HDAC9: variants seen among roughly 807,000 people sequenced by gnomAD.
HDAC9 encodes MEF-2 interacting transcription repressor (MITR) protein.
In HDAC9, 41 loss-of-function variants were observed where a neutral mutation model predicts 139.4. The ratio of observed to expected loss-of-function variants is 0.29; its 90% CI spans 0.23 to 0.38. The LOEUF is 0.38. Ranked by LOEUF, HDAC9 falls within the 10% of genes least tolerant of loss-of-function variation. HDAC9 has a pLI of 1.00. For synonymous variants in HDAC9, 517 were observed against 476.2 expected, an observed-to-expected ratio of 1.09 and a Z score of -1.12; for missense variants, 1,147 against 1,297.0, an observed-to-expected ratio of 0.88 and a Z score of 1.78.
chr7:18,435,059 C>CAAAAAAAAAAAAAAAA (rs376786180), intron 1 of HDAC9, among the ~76,000 whole-genome samples: 2 of 67,810 alleles, frequency 2.9e-5, no homozygotes, highest in African/African-American at 5.9e-5. Context: ...ACTACACAGC[C>CAAAAAAAAAAAAAAAA]AAAAAAAAAA....
chr7:18,622,024 G>A (rs1256891634), intron 6 of HDAC9, among the ~76,000 whole-genome samples: 1 of 152,170 alleles, frequency 6.6e-6, no homozygotes, highest in Non-Finnish European at 1.5e-5. Flanking sequence ...AGAACAGAGA[G>A]TGAATGAATA....
intron 2 of HDAC9, among the ~76,000 whole-genome samples, chr7:18,170,771 T>C (rs901176644): frequency 6.6e-6 from 1 of 152,196 alleles, no homozygotes; most frequent in African/African-American, 2.4e-5. Context: ...TGTGGTGTTA[T>C]TTCTGAAGCA....
At chr7:18,789,154 C>A (rs889824088) in intron 16 of HDAC9, among the ~76,000 whole-genome samples, 2 of 152,070 alleles carry the variant, frequency 1.3e-5, no homozygotes, top group African/African-American at 2.4e-5. Context: ...ACCACAAAAT[C>A]TGTATTTTTA....
chr7:18,203,460 T>C (rs1470811336), intron 2 of HDAC9, among the ~76,000 whole-genome samples: 1 of 152,140 alleles, frequency 6.6e-6, no homozygotes, highest in African/African-American at 2.4e-5. Context: ...ATAAAATGGT[T>C]TGGTATTTTG....
intron 2 of HDAC9, among the ~76,000 whole-genome samples, chr7:18,201,983 G>C (rs537080980): frequency 7.2e-4 from 110 of 152,296 alleles, no homozygotes; most frequent in African/African-American, 2.5e-3. Flanking sequence ...AATTTTTCCT[G>C]TTCTCTCCTG....
intron 2 of HDAC9, among the ~76,000 whole-genome samples, chr7:18,207,379 T>C (rs529681990): frequency 6.6e-6 from 1 of 152,054 alleles, no homozygotes; most frequent in Non-Finnish European, 1.5e-5. Flanking sequence ...TTAGGATCCA[T>C]GCAATTTTGT....
intron 1 of HDAC9, among the ~76,000 whole-genome samples, chr7:18,296,479 C>A (rs551884271): frequency 1.3e-5 from 2 of 151,972 alleles, no homozygotes; most frequent in African/African-American, 4.8e-5. Context: ...CTATAACTAA[C>A]GCAGGATATG....
chr7:18,510,847 G>C (rs758228226), intron 2 of HDAC9, among the ~76,000 whole-genome samples: 6 of 152,110 alleles, frequency 3.9e-5, no homozygotes, highest in Non-Finnish European at 8.8e-5. Context: ...ATGTGTATGT[G>C]GGAAAGGAAT....
At chr7:18,392,315 T>TCACACA (rs57932620) in intron 1 of HDAC9, among the ~76,000 whole-genome samples, 6,075 of 119,210 alleles carry the variant, frequency 0.051, 202 homozygotes, top group Non-Finnish European at 0.074. Flanking sequence ...TCTCTCTCTC[T>TCACACA]CACACACACA....
intron 16 of HDAC9, among the ~76,000 whole-genome samples, chr7:18,783,853 T>C (rs1791461748): frequency 6.6e-6 from 1 of 152,030 alleles, no homozygotes; most frequent in Non-Finnish European, 1.5e-5. Flanking sequence ...AAATTGCACC[T>C]AAGAATACAA....
intron 1 of HDAC9, among the ~76,000 whole-genome samples, chr7:18,109,865 G>A (rs1259784954): frequency 6.6e-6 from 1 of 152,170 alleles, no homozygotes; most frequent in Non-Finnish European, 1.5e-5. Context: ...CTCTAGGCAT[G>A]CTTCTGAGCA....
intron 12 of HDAC9, among the ~76,000 whole-genome samples, chr7:18,692,654 A>G (rs1294011283): frequency 6.6e-6 from 1 of 152,112 alleles, no homozygotes; most frequent in Non-Finnish European, 1.5e-5. Flanking sequence ...CACGCAAACT[A>G]ATGGAGATCT....
At chr7:18,538,606 T>C (rs1434463002) in intron 2 of HDAC9, among the ~76,000 whole-genome samples, 1 of 152,210 alleles carries the variant, frequency 6.6e-6, no homozygotes, top group Non-Finnish European at 1.5e-5. Context: ...TGTGCAGTTA[T>C]AAGTAAAAGG....
chr7:18,319,551 A>G (rs1799886800), intron 1 of HDAC9, among the ~76,000 whole-genome samples: 2 of 152,236 alleles, frequency 1.3e-5, no homozygotes, highest in Admixed American at 1.3e-4. Flanking sequence ...GTTCCCCATC[A>G]TTATTGGAAT....
chr7:18,433,274 A>G (rs1222108480), intron 1 of HDAC9, among the ~76,000 whole-genome samples: 4 of 152,198 alleles, frequency 2.6e-5, no homozygotes, highest in Non-Finnish European at 4.4e-5. Context: ...TGACAAACCC[A>G]TAGCCAACAA....
intron 12 of HDAC9, among the ~76,000 whole-genome samples, chr7:18,712,278 C>G (rs1249589651): frequency 6.6e-6 from 1 of 152,204 alleles, no homozygotes; most frequent in African/African-American, 2.4e-5. Flanking sequence ...TCAGTTTTTT[C>G]TCTTTCATCA....
At chr7:18,772,303 A>G (rs1279617026) in intron 16 of HDAC9, among the ~76,000 whole-genome samples, 1 of 152,062 alleles carries the variant, frequency 6.6e-6, no homozygotes, top group African/African-American at 2.4e-5. Context: ...GCTGTTGCCA[A>G]TTAGTAGAGA....
At chr7:18,625,378 T>C (rs1457325957) in intron 6 of HDAC9, among the ~76,000 whole-genome samples, 1 of 152,208 alleles carries the variant, frequency 6.6e-6, no homozygotes, top group Non-Finnish European at 1.5e-5. Flanking sequence ...ATTGACTGAT[T>C]GCCTGTCCCA....
chr7:18,768,115 T>C (rs759990892), intron 16 of HDAC9, among the ~76,000 whole-genome samples: 4 of 152,212 alleles, frequency 2.6e-5, no homozygotes, highest in Non-Finnish European at 5.9e-5. Flanking sequence ...TATATCCATT[T>C]GCCTCCGTGA....
Sources: gnomAD v4.1 joint callset for allele counts (sites outside exome capture counted in the v4.1 genomes callset) on GRCh38, gnomAD v4.1.1 for gene constraint, MANE v1.5 for transcripts, NCBI Gene and HGNC (gene_info 2026-07-23, HGNC 2026-07-21) for gene names.